Variants in PSKH1 observed in about 807,000 individuals in gnomAD.
PSKH1 encodes the protein serine/threonine-protein kinase H1.
PSKH1 carries 12 observed loss-of-function variants against 26.7 expected under a neutral mutation model. The ratio of observed to expected loss-of-function variants is 0.45; its 90% CI spans 0.29 to 0.73. PSKH1 has a LOEUF of 0.73. PSKH1 is among the 30% of genes least tolerant of loss of function. PSKH1 has a pLI of 0.11. For synonymous variants in PSKH1, 213 were observed against 234.3 expected, an observed-to-expected ratio of 0.91 and a Z score of 0.83; for missense variants, 431 against 595.2, an observed-to-expected ratio of 0.72 and a Z score of 2.87.
chr16:67,926,861 G>A (rs1363876429), intron 2 of PSKH1, among the ~76,000 whole-genome samples: 4 of 152,074 alleles, frequency 2.6e-5, no homozygotes, highest in Admixed American at 1.3e-4. Flanking sequence ...CCACTGCTTC[G>A]GCAGTTGGAG....
chr16:67,922,796 A>G (rs948317664), intron 2 of PSKH1, among the ~76,000 whole-genome samples: 27 of 152,312 alleles, frequency 1.8e-4, no homozygotes, highest in African/African-American at 6.3e-4. Flanking sequence ...TGCCACTCAG[A>G]AGACACACCA....
At chr16:67,926,382 T>C (rs1233204892) in intron 2 of PSKH1, among the ~76,000 whole-genome samples, 2 of 152,242 alleles carry the variant, frequency 1.3e-5, no homozygotes, top group Non-Finnish European at 2.9e-5. Context: ...CAGCTCAGCA[T>C]GATCTCATGG....
intron 2 of PSKH1, among the ~76,000 whole-genome samples, chr16:67,910,389 C>T (rs904506116): frequency 6.6e-6 from 1 of 152,204 alleles, no homozygotes; most frequent in Admixed American, 6.5e-5. Flanking sequence ...CTGAACATGC[C>T]CATCTCAGAG....
intron 1 of PSKH1, among the ~76,000 whole-genome samples, chr16:67,899,958 TTTTC>T (rs1199941987): frequency 6.6e-6 from 1 of 150,796 alleles, no homozygotes; most frequent in African/African-American, 2.4e-5. Context: ...CTGTTTTTCT[TTTTC>T]TTTCTTTTTA....
intron 2 of PSKH1, among the ~76,000 whole-genome samples, chr16:67,914,646 G>T (rs1027243449): frequency 6.6e-6 from 1 of 151,954 alleles, no homozygotes; most frequent in East Asian, 1.9e-4. Context: ...TAGAGACGGG[G>T]TTTCGGCATA....
chr16:67,894,185 C>G (rs972678121), intron 1 of PSKH1, among the ~76,000 whole-genome samples: 1 of 152,144 alleles, frequency 6.6e-6, no homozygotes, highest in Admixed American at 6.5e-5. Flanking sequence ...GAGACAAGGC[C>G]TCTATTGCCC....
chr16:67,893,955 A>C (rs1270792368), intron 1 of PSKH1, among the ~76,000 whole-genome samples: 1 of 152,188 alleles, frequency 6.6e-6, no homozygotes, highest in African/African-American at 2.4e-5. Context: ...AATCTGAGTA[A>C]GTCCTTCACT....
chr16:67,894,495 T>C (rs1398536435), intron 1 of PSKH1, among the ~76,000 whole-genome samples: 1 of 152,206 alleles, frequency 6.6e-6, no homozygotes, highest in Non-Finnish European at 1.5e-5. Flanking sequence ...TACACTGCCT[T>C]CCACCCCACC....
Position 67,927,090 on chromosome 16 carries a change from G to T in PSKH1, c.958-235G>T, listed in dbSNP as rs1013088249. Among the ~76,000 whole-genome samples the T allele has an allele frequency of 6.6e-6, 1 of 152,210 alleles. No homozygotes were observed. The highest frequency in any genetic ancestry group is 2.1e-4 in the South Asian group (1 of 4,832). On this transcript the variant is annotated intron_variant, in intron 2 of 2. Coordinates refer to ENST00000291041, the MANE Select transcript of PSKH1 (RefSeq NM_006742.3). This position sits in a 1 kb window ranked among gnomAD's most constrained non-coding sequence, Gnocchi z 5.5. The stretch of plus-strand genomic sequence containing the variant: ...CAGGCTTTGGGTCCAGTGCACCATA[G>T]AATTTGCTCCCTGGGAGAGTGCACA...
rs1210580619 is a variant in PSKH1, at chr16:67,921,891, G to C, written c.958-5434G>C. On this transcript the variant is annotated intron_variant, in intron 2 of 2. Coordinates refer to ENST00000291041, the MANE Select transcript of PSKH1 (RefSeq NM_006742.3). ...AGGTGGGGGCACACGATTTCATTTT[G>C]TTATCCATTTCAAGTTTCAGAACAC... is the stretch of plus-strand genomic sequence containing the variant. Among the ~76,000 whole-genome samples, 3 of 152,018 alleles carry C rather than the reference G, an allele frequency of 2.0e-5. No individual in the cohort carries two copies. In the East Asian group the frequency reaches 5.8e-4, roughly 29 times the overall value.
intron 1 of PSKH1, 129 bp downstream of exon 1, chr16:67,893,500 G>C (rs2058117546): frequency 6.6e-6 from 1 of 152,324 alleles, no homozygotes; most frequent in South Asian, 2.1e-4. Context: ...TGCCCCGTGC[G>C]CCAGGGCCTA....
At chr16:67,925,994 C>A (rs957519850) in intron 2 of PSKH1, among the ~76,000 whole-genome samples, 13 of 152,054 alleles carry the variant, frequency 8.5e-5, no homozygotes, top group African/African-American at 3.1e-4. Flanking sequence ...TCTCTCAGAT[C>A]CTCCTGAACC....
chr16:67,927,367 C>G lies in PSKH1; in HGVS notation c.1000C>G (p.Arg334Gly). 6.2e-7 allele frequency: 1 copy of G among 1,613,476 alleles called. No homozygotes were observed. Among genetic ancestry groups the G allele is most frequent in the Non-Finnish European group, 8.5e-7 (1 of 1,179,468 alleles). The change falls in exon 3 of 3, where the codon CGC (arginine) becomes GGC (glycine). Residue 334 changes from arginine to glycine, a missense_variant. Transcript: ENST00000291041. This position sits in a 1 kb window ranked among gnomAD's most constrained non-coding sequence, Gnocchi z 5.5. ...CAACCTGGCCAAGGACTTCATTGAC[C>G]GCCTGCTGACAGTGGACCCTGGAGC... ...VSNLAKDFID[R>G]LLTVDPGARM...
chr16:67,911,897 C>T (rs1489084028), intron 2 of PSKH1, among the ~76,000 whole-genome samples: 2 of 152,244 alleles, frequency 1.3e-5, no homozygotes, highest in African/African-American at 4.8e-5. Flanking sequence ...GGAAGCTTTC[C>T]TCCTGAGGCT....
chr16:67,894,497 C>T (rs2058120673), intron 1 of PSKH1, among the ~76,000 whole-genome samples: 1 of 152,226 alleles, frequency 6.6e-6, no homozygotes. Flanking sequence ...CACTGCCTTC[C>T]ACCCCACCGA....
intron 2 of PSKH1, among the ~76,000 whole-genome samples, chr16:67,913,910 G>A (rs2058179881): frequency 6.6e-6 from 1 of 152,176 alleles, no homozygotes; most frequent in African/African-American, 2.4e-5. Context: ...GTGAGGGACA[G>A]TCTTAGAGAA....
chr16:67,903,126 T>G (rs2058146348), intron 1 of PSKH1: 2 of 152,080 alleles, frequency 1.3e-5, no homozygotes, highest in Admixed American at 1.3e-4. Flanking sequence ...TGAAGAAAAA[T>G]AAACAATATT....
At chr16:67,894,447 C>G (rs1426619538) in intron 1 of PSKH1, among the ~76,000 whole-genome samples, 1 of 152,184 alleles carries the variant, frequency 6.6e-6, no homozygotes, top group Non-Finnish European at 1.5e-5. Context: ...TGCTTGGTCC[C>G]CTTGTGCTTT....
At chr16:67,915,071 G>A (rs2058183467) in intron 2 of PSKH1, among the ~76,000 whole-genome samples, 1 of 152,124 alleles carries the variant, frequency 6.6e-6, no homozygotes, top group African/African-American at 2.4e-5. Context: ...GTGGGGAGTG[G>A]GTTCCTGCCC....
Sources: allele counts gnomAD v4.1 joint callset (sites outside exome capture counted in the v4.1 genomes callset), GRCh38; gene constraint gnomAD v4.1.1; non-coding constraint Gnocchi (gnomAD v3.1); transcripts MANE v1.5; gene names NCBI Gene and HGNC (gene_info 2026-07-23, HGNC 2026-07-21).